Variants in MARCHF1 observed in about 807,000 individuals in gnomAD.
MARCHF1 encodes the protein membrane associated ring-CH-type finger 1, also known as E3 ubiquitin-protein ligase MARCHF1.
MARCHF1 carries 40 observed loss-of-function variants against 54.2 expected under a neutral mutation model. The ratio of observed to expected loss-of-function variants is 0.74; its 90% CI spans 0.57 to 0.96. The LOEUF (loss-of-function observed/expected upper bound fraction) is 0.96. MARCHF1 is among the 40% of genes least tolerant of loss of function. MARCHF1 has a pLI of 0.00. For synonymous variants in MARCHF1, 236 were observed against 236.3 expected, an observed-to-expected ratio of 1.00 and a Z score of 0.01; for missense variants, 586 against 656.5, an observed-to-expected ratio of 0.89 and a Z score of 1.17.
intron 3 of MARCHF1, chr4:163,933,184 G>C: frequency 1.3e-6 from 1 of 761,530 alleles, no homozygotes; most frequent in Non-Finnish European, 2.2e-6. Context: ...GTTTCTTAGA[G>C]ACAACCTAAC....
intron 3 of MARCHF1, among the ~76,000 whole-genome samples, chr4:163,878,914 A>T (rs529358980): frequency 5.3e-5 from 8 of 152,322 alleles, no homozygotes; most frequent in African/African-American, 1.7e-4. Flanking sequence ...AGGCCTGGAT[A>T]TGACTGTGAG....
intron 8 of MARCHF1, among the ~76,000 whole-genome samples, chr4:163,583,024 G>A (rs1740279599): frequency 1.3e-5 from 2 of 152,302 alleles, no homozygotes; most frequent in South Asian, 2.1e-4. Flanking sequence ...GGAACTGAAT[G>A]CACGTTCCTC....
At chr4:163,621,057 A>G (rs1348205860) in intron 5 of MARCHF1, among the ~76,000 whole-genome samples, 1 of 152,202 alleles carries the variant, frequency 6.6e-6, no homozygotes, top group African/African-American at 2.4e-5. Context: ...AATGTAGTCA[A>G]TAATAACATC....
At chr4:163,893,972 G>C (rs994597816) in intron 3 of MARCHF1, among the ~76,000 whole-genome samples, 2 of 152,060 alleles carry the variant, frequency 1.3e-5, no homozygotes. Context: ...AATAGCATAG[G>C]AACACTGGAT....
intron 4 of MARCHF1, among the ~76,000 whole-genome samples, chr4:163,734,164 G>T (rs1036048671): frequency 3.9e-5 from 6 of 152,122 alleles, no homozygotes; most frequent in Non-Finnish European, 8.8e-5. Context: ...GAAACAAAAA[G>T]ACTTGACCAT....
rs190237581 is a variant in MARCHF1, at chr4:163,693,210, G to A, written c.162+7603C>T. On this transcript the variant is annotated intron_variant, in intron 5 of 9. Coordinates refer to ENST00000514618, the MANE Select transcript of MARCHF1 (RefSeq NM_001394959.1). The stretch of plus-strand genomic sequence containing the variant: ...CCAGAGAGTAGGAAATAAAACGAAC[G>A]TATCTTCAGGAGCTGGACAAATCAG... Among the ~76,000 whole-genome samples, 127 of 151,474 alleles carry A rather than the reference G, an allele frequency of 8.4e-4. 1 individual carries two copies. The highest frequency in any genetic ancestry group is 1.1e-3 in the Non-Finnish European group (76 of 67,916).
At chr4:164,165,314 T>C (rs1730344686) in intron 1 of MARCHF1, among the ~76,000 whole-genome samples, 1 of 152,034 alleles carries the variant, frequency 6.6e-6, no homozygotes, top group East Asian at 1.9e-4. Context: ...CCTAATTTGA[T>C]AAAAATTAAT....
chr4:163,556,069 T>C, intron 8 of MARCHF1: 1 of 433,990 alleles, frequency 2.3e-6, no homozygotes, highest in Non-Finnish European at 4.6e-6. Flanking sequence ...CTGAGTTGAC[T>C]TACCCAGTCA....
rs568972083 is a variant in MARCHF1, at chr4:164,245,074, T to C, written c.-322-133412A>G. On this transcript the variant is annotated intron_variant, in intron 1 of 9. Coordinates refer to ENST00000514618, the MANE Select transcript of MARCHF1 (RefSeq NM_001394959.1). ...TTCCTTCTGAAACTATTCCAATCAA[T>C]AGAAAAAGAGGGAACCCTCCCTAAC... Among the ~76,000 whole-genome samples the C allele has an allele frequency of 2.9e-3, 442 of 152,050 alleles. 2 individuals are homozygous for C. Among genetic ancestry groups the C allele is most frequent in the African/African-American group, 9.7e-3 (401 of 41,462 alleles).
At chr4:163,893,932 G>T (rs543864353) in intron 3 of MARCHF1, among the ~76,000 whole-genome samples, 18 of 152,220 alleles carry the variant, frequency 1.2e-4, no homozygotes, top group African/African-American at 4.3e-4. Context: ...TAAGAAACTG[G>T]TTACCTACTC....
At chr4:164,345,269 A>T (rs182655296) in intron 1 of MARCHF1, among the ~76,000 whole-genome samples, 1 of 152,194 alleles carries the variant, frequency 6.6e-6, no homozygotes, top group Admixed American at 6.5e-5. Flanking sequence ...TTGTCAATTA[A>T]AAAAATAAAA....
intron 5 of MARCHF1, among the ~76,000 whole-genome samples, chr4:163,646,067 T>C (rs1294356219): frequency 6.7e-6 from 1 of 149,940 alleles, no homozygotes; most frequent in Non-Finnish European, 1.5e-5. Flanking sequence ...AAAAATACTC[T>C]GAGGCATCTT....
At position 163,630,704 on chromosome 4, in the gene MARCHF1, C is replaced by G. The variant is rs138018893; in HGVS notation, c.163-17311G>C. ...TAGAAGCAAAGCATATTTCTATGTT[C>G]AAGGTGAGATATTATTAATGTCTGT... On this transcript the variant is annotated intron_variant, in intron 5 of 9. Coordinates refer to ENST00000514618, the MANE Select transcript of MARCHF1 (RefSeq NM_001394959.1). 6.1e-3 allele frequency among the ~76,000 whole-genome samples: 921 copies of G among 151,616 alleles called. 9 individuals carry two copies. The highest frequency in any genetic ancestry group is 0.021 in the African/African-American group (880 of 41,306).
chr4:163,716,216 AAACAACAAC>A (rs555620675), intron 4 of MARCHF1, among the ~76,000 whole-genome samples: 1 of 134,294 alleles, frequency 7.4e-6, no homozygotes, highest in African/African-American at 2.4e-5. Context: ...CAATTTATGT[AAACAACAAC>A]AACAACAACA....
At chr4:164,113,960 T>C (rs937024962) in intron 1 of MARCHF1, among the ~76,000 whole-genome samples, 26 of 151,972 alleles carry the variant, frequency 1.7e-4, no homozygotes, top group Admixed American at 3.3e-4. Flanking sequence ...GCATATTTAT[T>C]AAAGCAAACT....
At chr4:163,987,752 C>T (rs1161362336) in intron 3 of MARCHF1, among the ~76,000 whole-genome samples, 1 of 152,174 alleles carries the variant, frequency 6.6e-6, no homozygotes, top group Non-Finnish European at 1.5e-5. Context: ...ACTCAATATC[C>T]TTGACTGTGT....
intron 4 of MARCHF1, among the ~76,000 whole-genome samples, chr4:163,733,306 T>TTA (rs1453699333): frequency 3.3e-5 from 4 of 121,632 alleles, no homozygotes; most frequent in Admixed American, 1.8e-4. Context: ...CGCACACATA[T>TTA]TATATATATA....
At chr4:163,767,434 C>T (rs899775350) in intron 4 of MARCHF1, among the ~76,000 whole-genome samples, 3 of 151,680 alleles carry the variant, frequency 2.0e-5, no homozygotes, top group Non-Finnish European at 2.9e-5. Context: ...CCTGGGTTCA[C>T]GCCATTCTCC....
At chr4:164,106,171 A>C (rs369325457) in intron 2 of MARCHF1, among the ~76,000 whole-genome samples, 3,410 of 141,190 alleles carry the variant, frequency 0.024, 90 homozygotes, top group African/African-American at 0.095. Flanking sequence ...GTTGGTGGGA[A>C]TGTAAACTAG....
Sources: allele counts gnomAD v4.1 joint callset (sites outside exome capture counted in the v4.1 genomes callset), GRCh38; gene constraint gnomAD v4.1.1; transcripts MANE v1.5; gene names NCBI Gene and HGNC (gene_info 2026-07-23, HGNC 2026-07-21).